Variants in L3MBTL4 observed in about 807,000 individuals in gnomAD.
L3MBTL4 encodes L3MBTL histone methyl-lysine binding protein 4.
Under a neutral mutation model 84.5 loss-of-function variants are expected in L3MBTL4, and 70 were observed. The observed-to-expected ratio is 0.83, with a 90% CI of 0.68 to 1.01. L3MBTL4 has a LOEUF of 1.01. Among genes scored for constraint, L3MBTL4 ranks in the 50% least tolerant of loss-of-function variants. The pLI is 0.00. For synonymous variants in L3MBTL4, 274 were observed against 259.8 expected (o/e 1.05, Z -0.52); for missense variants, 715 against 754.8 (o/e 0.95, Z 0.62).
intron 15 of L3MBTL4, among the ~76,000 whole-genome samples, chr18:6,083,969 C>T (rs2058171949): frequency 6.6e-6 from 1 of 152,164 alleles, no homozygotes; most frequent in African/African-American, 2.4e-5. Flanking sequence ...GGCTTCCATT[C>T]CCCTTCACAA....
intron 18 of L3MBTL4, among the ~76,000 whole-genome samples, chr18:5,958,057 AGAAGG>A: frequency 1.6e-5 from 2 of 125,288 alleles, no homozygotes; most frequent in African/African-American, 6.9e-5. Context: ...AAGGAGAAGG[AGAAGG>A]AGAAGAAGAA....
chr18:6,338,606 G>A (rs1317437338), intron 1 of L3MBTL4, among the ~76,000 whole-genome samples: 1 of 151,676 alleles, frequency 6.6e-6, no homozygotes, highest in East Asian at 1.9e-4. Flanking sequence ...AATGTATCAA[G>A]TAGAAGACAA....
intron 1 of L3MBTL4, among the ~76,000 whole-genome samples, chr18:6,373,904 G>A (rs773790914): frequency 1.3e-5 from 2 of 152,072 alleles, no homozygotes; most frequent in Non-Finnish European, 2.9e-5. Flanking sequence ...TGTTTCCTAA[G>A]ATACTGACAA....
intron 12 of L3MBTL4, among the ~76,000 whole-genome samples, chr18:6,183,602 G>C (rs2044584214): frequency 6.6e-6 from 1 of 152,152 alleles, no homozygotes; most frequent in African/African-American, 2.4e-5. Context: ...ACATGAAGAA[G>C]GACTTACACT....
intron 15 of L3MBTL4, among the ~76,000 whole-genome samples, chr18:6,092,891 C>A (rs1194633647): frequency 6.6e-6 from 1 of 152,090 alleles, no homozygotes; most frequent in African/African-American, 2.4e-5. Context: ...GGAAACTATT[C>A]TGTGTAAGAA....
At chr18:6,382,005 T>G (rs924857799) in intron 1 of L3MBTL4, among the ~76,000 whole-genome samples, 1 of 152,248 alleles carries the variant, frequency 6.6e-6, no homozygotes, top group Non-Finnish European at 1.5e-5. Flanking sequence ...CATAGTCCCA[T>G]ATTTCTTGGA....
At chr18:6,218,324 ATCC>A (rs2046408933) in intron 10 of L3MBTL4, among the ~76,000 whole-genome samples, 1 of 152,150 alleles carries the variant, frequency 6.6e-6, no homozygotes, top group African/African-American at 2.4e-5. Context: ...AATCATCCAA[ATCC>A]ATTTATCACA....
rs925780806 is a variant in L3MBTL4 at position 5,955,222 on chromosome 18, A to G, written c.*998T>C. On this transcript the variant is annotated 3_prime_UTR_variant, in exon 19 of 19. Transcript: ENST00000317931. ...AAAAAACAAATAAGGCCTGACAACA[A>G]ATCGGAATGTTTCAAACAAAGAATA... 2.6e-5 allele frequency: 4 copies of G among 152,208 alleles called. No individual in the cohort carries two copies. Among genetic ancestry groups the G allele is most frequent in the Non-Finnish European group, 5.9e-5 (4 of 68,038 alleles). 9.4% of individuals were successfully genotyped at this position (152,208 alleles called of 1,614,324 possible). A position where few individuals can be genotyped will look rare whatever the true frequency, so the allele number is the denominator to read the frequency against.
intron 13 of L3MBTL4, among the ~76,000 whole-genome samples, chr18:6,163,167 C>T (rs981315562): frequency 2.0e-5 from 3 of 150,126 alleles, no homozygotes; most frequent in Non-Finnish European, 4.4e-5. Context: ...GTTTCTACTT[C>T]CCAGTGGAAA....
intron 14 of L3MBTL4, among the ~76,000 whole-genome samples, chr18:6,121,864 T>C (rs2059540396): frequency 6.6e-6 from 1 of 152,200 alleles, no homozygotes; most frequent in Non-Finnish European, 1.5e-5. Flanking sequence ...TATCCAGATG[T>C]AGCAGGTTTG....
intron 16 of L3MBTL4, among the ~76,000 whole-genome samples, chr18:6,064,521 T>C (rs2057337041): frequency 6.6e-6 from 1 of 152,032 alleles, no homozygotes; most frequent in Non-Finnish European, 1.5e-5. Flanking sequence ...GTTTGTGCCA[T>C]CTATGATTTC....
At chr18:6,325,318 T>A (rs1158103226) in intron 1 of L3MBTL4, among the ~76,000 whole-genome samples, 29 of 152,088 alleles carry the variant, frequency 1.9e-4, no homozygotes, top group Admixed American at 1.9e-3. Context: ...ATATTATCAA[T>A]AATGTTGAAT....
At chr18:6,206,137 C>A (rs2045865312) in intron 12 of L3MBTL4, among the ~76,000 whole-genome samples, 1 of 152,162 alleles carries the variant, frequency 6.6e-6, no homozygotes, top group South Asian at 2.1e-4. Flanking sequence ...GAAGAATCTG[C>A]TTTATCAAGA....
intron 1 of L3MBTL4, among the ~76,000 whole-genome samples, chr18:6,405,483 TCTCA>T (rs1165597856): frequency 6.6e-6 from 1 of 152,226 alleles, no homozygotes; most frequent in African/African-American, 2.4e-5. Flanking sequence ...GCAAGGATAT[TCTCA>T]CTCACTAACT....
intron 12 of L3MBTL4, among the ~76,000 whole-genome samples, chr18:6,175,916 CA>C (rs555916222): frequency 6.6e-6 from 1 of 151,502 alleles, no homozygotes. Flanking sequence ...ATACTGGCAA[CA>C]AAAAAATTTA....
At chr18:5,991,316 C>T (rs536836612) in intron 16 of L3MBTL4, among the ~76,000 whole-genome samples, 1 of 152,286 alleles carries the variant, frequency 6.6e-6, no homozygotes, top group African/African-American at 2.4e-5. Context: ...TAAGCCTTGC[C>T]AGTGCCTTGC....
intron 16 of L3MBTL4, among the ~76,000 whole-genome samples, chr18:6,019,214 A>G (rs1216033178): frequency 6.6e-6 from 1 of 152,158 alleles, no homozygotes; most frequent in Admixed American, 6.5e-5. Flanking sequence ...TTATTATGTG[A>G]TATTATGTAG....
At chr18:6,311,925 G>C (rs1476216428) in intron 2 of L3MBTL4, 73 bp downstream of exon 2, 3 of 286,904 alleles carry the variant, frequency 1.0e-5, no homozygotes, top group African/African-American at 4.4e-5. Flanking sequence ...GGGATAAAAT[G>C]TTTGCTTTTT....
intron 1 of L3MBTL4, among the ~76,000 whole-genome samples, chr18:6,333,332 T>G (rs1236843915): frequency 6.6e-6 from 1 of 152,106 alleles, no homozygotes; most frequent in Non-Finnish European, 1.5e-5. Context: ...CCCAACACTT[T>G]GGGAGGCTGA....
Sources: gnomAD v4.1 joint callset for allele counts (sites outside exome capture counted in the v4.1 genomes callset) on GRCh38, gnomAD v4.1.1 for gene constraint, MANE v1.5 for transcripts, NCBI Gene and HGNC (gene_info 2026-07-23, HGNC 2026-07-21) for gene names.